Variants in NEGR1 observed in about 807,000 individuals in gnomAD.
NEGR1 encodes the protein neuronal growth regulator 1.
A neutral mutation model predicts 40.9 loss-of-function variants in NEGR1; 10 were observed. The observed-to-expected ratio is 0.24, with a 90% confidence interval of 0.15 to 0.42. NEGR1 has a LOEUF of 0.42. Among genes scored for constraint, NEGR1 ranks in the 10% least tolerant of loss-of-function variants. The probability of loss-of-function intolerance (pLI) is 1.00; values close to 1 mark genes in which losing one functional copy is unlikely to be tolerated. For synonymous variants in NEGR1, 185 were observed against 166.8 expected (o/e 1.11, Z -0.84); for missense variants, 352 against 438.9 (o/e 0.80, Z 1.77).
At chr1:71,846,498 A>G (rs1401444465) in intron 2 of NEGR1, among the ~76,000 whole-genome samples, 1 of 152,008 alleles carries the variant, frequency 6.6e-6, no homozygotes, top group Non-Finnish European at 1.5e-5. Flanking sequence ...AAAAATGTGA[A>G]TAAATAGTAA....
At chr1:72,075,388 A>G (rs927889411) in intron 1 of NEGR1, among the ~76,000 whole-genome samples, 4 of 152,188 alleles carry the variant, frequency 2.6e-5, no homozygotes, top group Admixed American at 6.5e-5. Context: ...TAATTTACTA[A>G]AAACAGCTTA....
chr1:71,809,821 G>C (rs2101760427), intron 2 of NEGR1, among the ~76,000 whole-genome samples: 1 of 152,116 alleles, frequency 6.6e-6, no homozygotes, highest in East Asian at 1.9e-4. Flanking sequence ...AGTGTCACTT[G>C]GTTACAAGTA....
intron 6 of NEGR1, among the ~76,000 whole-genome samples, chr1:71,416,322 G>C (rs142645606): frequency 2.6e-5 from 4 of 152,198 alleles, no homozygotes; most frequent in East Asian, 1.9e-4. Context: ...TTTATTCTTT[G>C]TATCTTTTGT....
intron 2 of NEGR1, among the ~76,000 whole-genome samples, chr1:71,876,172 T>A (rs572021490): frequency 6.6e-6 from 1 of 152,134 alleles, no homozygotes; most frequent in South Asian, 2.1e-4. Context: ...TTCTTGTATA[T>A]ATTATAGAAT....
At chr1:71,687,949 T>A (rs937440175) in intron 4 of NEGR1, among the ~76,000 whole-genome samples, 1 of 152,156 alleles carries the variant, frequency 6.6e-6, no homozygotes, top group African/African-American at 2.4e-5. Context: ...CATACATCTA[T>A]AAGATGAAGA....
chr1:72,270,561 T>C (rs1408368747), intron 1 of NEGR1, among the ~76,000 whole-genome samples: 1 of 151,920 alleles, frequency 6.6e-6, no homozygotes, highest in Non-Finnish European at 1.5e-5. Context: ...AGTCCTCTTA[T>C]CAACTATTCC....
At chr1:71,987,765 A>G (rs1646409284) in intron 1 of NEGR1, among the ~76,000 whole-genome samples, 2 of 130,472 alleles carry the variant, frequency 1.5e-5, no homozygotes, top group African/African-American at 6.5e-5. Flanking sequence ...AATATGATGA[A>G]TTGAAGAAAT....
chr1:72,097,046 G>A (rs986219), intron 1 of NEGR1, among the ~76,000 whole-genome samples: 1 of 151,828 alleles, frequency 6.6e-6, no homozygotes, highest in Non-Finnish European at 1.5e-5. Flanking sequence ...GTTTAAATTT[G>A]CAGGCAAAAT....
At chr1:72,096,101 T>C (rs915205576) in intron 1 of NEGR1, among the ~76,000 whole-genome samples, 4 of 152,212 alleles carry the variant, frequency 2.6e-5, no homozygotes, top group African/African-American at 4.8e-5. Flanking sequence ...CATTTTTTTA[T>C]ACTTCAAATA....
chr1:71,857,434 A>C (rs1371744945), intron 2 of NEGR1, among the ~76,000 whole-genome samples: 2 of 145,618 alleles, frequency 1.4e-5, no homozygotes, highest in Non-Finnish European at 3.0e-5. Flanking sequence ...CAATATAGTC[A>C]AATCCTATCT....
intron 2 of NEGR1, among the ~76,000 whole-genome samples, chr1:71,886,525 A>G (rs190281537): frequency 1.3e-5 from 2 of 151,820 alleles, no homozygotes; most frequent in Non-Finnish European, 2.9e-5. Context: ...CAGATAAATT[A>G]GACTTTAGTT....
chr1:71,919,517 T>C (rs1040336360), intron 2 of NEGR1, among the ~76,000 whole-genome samples: 1 of 150,036 alleles, frequency 6.7e-6, no homozygotes, highest in African/African-American at 2.5e-5. Context: ...TTTTTTAGCA[T>C]CAGGAACTTT....
At chr1:71,928,075 T>TATATATAC (rs1645797140) in intron 2 of NEGR1, among the ~76,000 whole-genome samples, 1 of 25,378 alleles carries the variant, frequency 3.9e-5, no homozygotes, top group East Asian at 9.6e-4. Context: ...CACACATATG[T>TATATATAC]ACATATATGT....
chr1:71,839,089 T>A (rs1371480551), intron 2 of NEGR1, among the ~76,000 whole-genome samples: 2 of 150,808 alleles, frequency 1.3e-5, no homozygotes. Context: ...GCAAAACTTC[T>A]ATGATCATCA....
intron 6 of NEGR1, among the ~76,000 whole-genome samples, chr1:71,587,156 A>T (rs1176407399): frequency 6.6e-6 from 1 of 152,122 alleles, no homozygotes; most frequent in Non-Finnish European, 1.5e-5. Flanking sequence ...TCATTATAAT[A>T]GGTAAAAGTA....
chr1:72,277,715 T>G (rs982646026), intron 1 of NEGR1, among the ~76,000 whole-genome samples: 1 of 152,156 alleles, frequency 6.6e-6, no homozygotes, highest in African/African-American at 2.4e-5. Context: ...ATTTTAAAAC[T>G]ATTTCTTCAT....
At chr1:71,774,473 T>C (rs1428770028) in intron 3 of NEGR1, among the ~76,000 whole-genome samples, 2 of 152,186 alleles carry the variant, frequency 1.3e-5, no homozygotes, top group African/African-American at 2.4e-5. Flanking sequence ...TTTTCTCACA[T>C]AATACCAATA....
chr1:71,422,012 C>T (rs1461019645), intron 6 of NEGR1, among the ~76,000 whole-genome samples: 1 of 151,398 alleles, frequency 6.6e-6, no homozygotes, highest in Non-Finnish European at 1.5e-5. Flanking sequence ...CTATATTAAA[C>T]TATATCTTAT....
chr1:71,914,690 C>T (rs570965997), intron 2 of NEGR1, among the ~76,000 whole-genome samples: 1 of 152,216 alleles, frequency 6.6e-6, no homozygotes, highest in Non-Finnish European at 1.5e-5. Context: ...ATGTTTTTTT[C>T]TTGAGAATAA....
Sources: gnomAD v4.1 joint callset for allele counts (sites outside exome capture counted in the v4.1 genomes callset) on GRCh38, gnomAD v4.1.1 for gene constraint, MANE v1.5 for transcripts, NCBI Gene and HGNC (gene_info 2026-07-23, HGNC 2026-07-21) for gene names.